ATXN1: variants seen among roughly 807,000 people sequenced by gnomAD.
ATXN1 encodes the protein ataxin 1, also known as ataxin-1.
ATXN1 carries 8 observed loss-of-function variants against 56.4 expected under a neutral mutation model. The ratio of observed to expected loss-of-function variants is 0.14; its 90% CI spans 0.08 to 0.26. The LOEUF is 0.26. Ranked by LOEUF, ATXN1 falls within the 10% of genes least tolerant of loss-of-function variation. The pLI, the probability that ATXN1 is intolerant of heterozygous loss-of-function variation, is 1.00. For synonymous variants in ATXN1, 514 were observed against 494.6 expected (o/e 1.04, Z -0.52); for missense variants, 987 against 1,106.5 (o/e 0.89, Z 1.53).
intron 3 of ATXN1, among the ~76,000 whole-genome samples, chr6:16,603,901 C>T (rs1472352543): frequency 6.6e-6 from 1 of 152,062 alleles, no homozygotes; most frequent in Admixed American, 6.5e-5. Flanking sequence ...GGCGCCTCTC[C>T]GTCACACAGG....
intron 6 of ATXN1, among the ~76,000 whole-genome samples, chr6:16,345,953 T>A (rs576129632): frequency 4.5e-4 from 68 of 151,334 alleles, no homozygotes; most frequent in Non-Finnish European, 8.0e-4. Context: ...ATTCATTCAA[T>A]AAAAAAAAAT....
intron 3 of ATXN1, among the ~76,000 whole-genome samples, chr6:16,646,497 CATT>C (rs1349959007): frequency 3.9e-5 from 6 of 152,252 alleles, no homozygotes; most frequent in Non-Finnish European, 7.3e-5. Flanking sequence ...CCGTTATCAT[CATT>C]ATCATTAAAT....
At chr6:16,706,910 G>A (rs1420106179) in intron 2 of ATXN1, among the ~76,000 whole-genome samples, 3 of 151,702 alleles carry the variant, frequency 2.0e-5, no homozygotes, top group Non-Finnish European at 4.4e-5. Context: ...ATCACCTCCC[G>A]CTAGACGAGC....
chr6:16,615,222 C>T (rs1251035309), intron 3 of ATXN1: 2 of 147,586 alleles, frequency 1.4e-5, no homozygotes, highest in Admixed American at 6.8e-5. Flanking sequence ...CTCAGAGGAG[C>T]GATTGTGGAA....
chr6:16,682,203 C>CTTTTTTTTTTTTTTTTTTT (rs10528588), intron 2 of ATXN1, among the ~76,000 whole-genome samples: 3 of 116,994 alleles, frequency 2.6e-5, no homozygotes, highest in Non-Finnish European at 3.4e-5. Context: ...CTGGGGAGAA[C>CTTTTTTTTTTTTTTTTTTT]TTTTTTTTTT....
At chr6:16,568,663 GTT>G (rs34833835) in intron 4 of ATXN1, among the ~76,000 whole-genome samples, 1 of 150,768 alleles carries the variant, frequency 6.6e-6, no homozygotes, top group Non-Finnish European at 1.5e-5. Context: ...AACAACCAAA[GTT>G]TTTTTTTTCT....
At chr6:16,465,879 C>T (rs1177336861) in intron 6 of ATXN1, among the ~76,000 whole-genome samples, 2 of 152,004 alleles carry the variant, frequency 1.3e-5, no homozygotes, top group African/African-American at 4.8e-5. Flanking sequence ...ATGGGGAGGC[C>T]CACTACAGGT....
At chr6:16,683,140 A>G (rs1277193790) in intron 2 of ATXN1, among the ~76,000 whole-genome samples, 2 of 152,228 alleles carry the variant, frequency 1.3e-5, no homozygotes, top group East Asian at 3.8e-4. Flanking sequence ...GTTATTTACC[A>G]AAGAAGATTC....
chr6:16,394,642 A>G (rs1275683750), intron 6 of ATXN1, among the ~76,000 whole-genome samples: 1 of 152,218 alleles, frequency 6.6e-6, no homozygotes, highest in Non-Finnish European at 1.5e-5. Context: ...TATAAAATTC[A>G]GCTCTGTTTA....
chr6:16,621,004 T>A (rs565246889), intron 3 of ATXN1, among the ~76,000 whole-genome samples: 1 of 152,162 alleles, frequency 6.6e-6, no homozygotes, highest in African/African-American at 2.4e-5. Flanking sequence ...CCGAAACAAA[T>A]GAAAGAAAAT....
intron 2 of ATXN1, among the ~76,000 whole-genome samples, chr6:16,690,804 C>T (rs781259148): frequency 3.3e-5 from 5 of 152,158 alleles, no homozygotes; most frequent in African/African-American, 7.2e-5. Flanking sequence ...CTGCCTGGAG[C>T]GAGACCTGAC....
chr6:16,445,498 G>C (rs1759614538), intron 6 of ATXN1, among the ~76,000 whole-genome samples: 1 of 151,574 alleles, frequency 6.6e-6, no homozygotes. Flanking sequence ...TTTCAAATGT[G>C]TTTGATATTT....
At chr6:16,663,440 A>G (rs2113370086) in intron 2 of ATXN1, among the ~76,000 whole-genome samples, 1 of 152,308 alleles carries the variant, frequency 6.6e-6, no homozygotes, top group East Asian at 1.9e-4. Context: ...AATTATTATA[A>G]CAAATTAAGA....
At position 16,528,657 on chromosome 6, in the gene ATXN1, T is replaced by G. The variant is rs957463244; in HGVS notation, c.-360-5969A>C. Among the ~76,000 whole-genome samples, 14 of 152,218 alleles carry G rather than the reference T, an allele frequency of 9.2e-5. 1 individual carries two copies. The highest frequency in any genetic ancestry group is 7.7e-4 in the East Asian group (4 of 5,202). On this transcript the variant is annotated intron_variant, in intron 4 of 7. Coordinates refer to ENST00000436367, the MANE Select transcript of ATXN1 (RefSeq NM_001128164.2). ...AGTGGCTAATTTGTATGGACACATT[T>G]TTATCTATTATCTTTAATCCTGACA...
intron 3 of ATXN1, among the ~76,000 whole-genome samples, chr6:16,609,285 A>C (rs1305529317): frequency 6.6e-6 from 1 of 152,202 alleles, no homozygotes; most frequent in African/African-American, 2.4e-5. Flanking sequence ...CACTAAGAAG[A>C]GAACCAAGCA....
At chr6:16,663,342 G>A (rs1042870714) in intron 2 of ATXN1, among the ~76,000 whole-genome samples, 15 of 152,214 alleles carry the variant, frequency 9.9e-5, no homozygotes, top group African/African-American at 2.9e-4. Context: ...CAAACTGTAC[G>A]AAGTGTTTCA....
chr6:16,328,513 G>T lies in ATXN1; in HGVS notation c.-160-43C>A. On this transcript the variant is annotated intron_variant, in intron 6 of 7. Transcript: ENST00000436367. This position sits in a 1 kb window ranked among gnomAD's most constrained non-coding sequence, Gnocchi z 6.2. ...GCAGTGACAAAGGGAAAAGGAAAGG[G>T]AGGAGAAAGGGAAGGAGGGAAAGGA... 1.1e-6 allele frequency: 1 copy of T among 951,068 alleles called. No individual in the cohort carries two copies. The highest frequency in any genetic ancestry group is 1.4e-6 in the Non-Finnish European group (1 of 712,500). The allele number at this position is 951,068 out of a possible 1,614,324, so 58.9% of individuals were successfully genotyped here.
At chr6:16,472,607 C>T (rs1308090568) in intron 6 of ATXN1, among the ~76,000 whole-genome samples, 1 of 152,190 alleles carries the variant, frequency 6.6e-6, no homozygotes, top group African/African-American at 2.4e-5. Flanking sequence ...AGTCTCCTAT[C>T]ACACACTTCT....
intron 4 of ATXN1, among the ~76,000 whole-genome samples, chr6:16,566,580 G>A (rs544436206): frequency 2.1e-4 from 32 of 152,206 alleles, no homozygotes; most frequent in South Asian, 1.5e-3. Context: ...CAGGCTGGGC[G>A]CGGTGGCTCA....
Sources: allele counts gnomAD v4.1 joint callset (sites outside exome capture counted in the v4.1 genomes callset), GRCh38; gene constraint gnomAD v4.1.1; non-coding constraint Gnocchi (gnomAD v3.1); transcripts MANE v1.5; gene names NCBI Gene and HGNC (gene_info 2026-07-23, HGNC 2026-07-21).